NEGR1: variants seen among roughly 807,000 people sequenced by gnomAD.
NEGR1 encodes neuronal growth regulator 1.
Under a neutral mutation model 40.9 loss-of-function variants are expected in NEGR1, and 10 were observed. The observed-to-expected ratio is 0.24, with a 90% confidence interval of 0.15 to 0.42. The LOEUF (loss-of-function observed/expected upper bound fraction) is 0.42. NEGR1 is among the 10% of genes least tolerant of loss of function. The probability of loss-of-function intolerance (pLI) is 1.00; values close to 1 mark genes in which losing one functional copy is unlikely to be tolerated. For missense variants in NEGR1, 352 were observed against 438.9 expected (o/e 0.80, Z 1.77); for synonymous variants, 185 against 166.8 (o/e 1.11, Z -0.84).
intron 1 of NEGR1, among the ~76,000 whole-genome samples, chr1:72,072,697 T>C (rs969146322): frequency 7.9e-5 from 12 of 151,854 alleles, no homozygotes; most frequent in Admixed American, 6.6e-4. Context: ...AGGCTGAGAG[T>C]CTTCTGGCTA....
chr1:71,977,954 G>T (rs1646321380), intron 1 of NEGR1, among the ~76,000 whole-genome samples: 1 of 152,110 alleles, frequency 6.6e-6, no homozygotes, highest in Admixed American at 6.6e-5. Flanking sequence ...GCTATTCCAA[G>T]TAAGATGGAA....
intron 6 of NEGR1, among the ~76,000 whole-genome samples, chr1:71,479,847 T>G (rs1446248536): frequency 6.6e-6 from 1 of 151,972 alleles, no homozygotes; most frequent in Non-Finnish European, 1.5e-5. Flanking sequence ...TACTGTGGTG[T>G]TGTTGCTTAT....
At chr1:72,205,756 C>CAAAAAAAAAAAA (rs35490878) in intron 1 of NEGR1, among the ~76,000 whole-genome samples, 12 of 30,888 alleles carry the variant, frequency 3.9e-4, no homozygotes, top group Non-Finnish European at 6.3e-4. Flanking sequence ...CCCATTTCTA[C>CAAAAAAAAAAAA]AAAAAAAAAA....
chr1:72,039,165 A>T (rs1214912040), intron 1 of NEGR1, among the ~76,000 whole-genome samples: 1 of 152,006 alleles, frequency 6.6e-6, no homozygotes, highest in Non-Finnish European at 1.5e-5. Flanking sequence ...TATGCAATGT[A>T]ATTATAGTTC....
At chr1:72,050,405 T>G (rs1647048078) in intron 1 of NEGR1, among the ~76,000 whole-genome samples, 1 of 151,564 alleles carries the variant, frequency 6.6e-6, no homozygotes, top group Admixed American at 6.6e-5. Context: ...AAGATTTGAA[T>G]AATTATTTTT....
intron 1 of NEGR1, chr1:72,274,762 C>A: frequency 1.6e-6 from 2 of 1,233,340 alleles, no homozygotes; most frequent in African/African-American, 1.5e-5. Flanking sequence ...TTGCTGTAAG[C>A]AGTTCATCTG....
intron 6 of NEGR1, among the ~76,000 whole-genome samples, chr1:71,509,925 A>G (rs1363996344): frequency 6.6e-6 from 1 of 152,230 alleles, no homozygotes; most frequent in East Asian, 1.9e-4. Flanking sequence ...AGACATAATA[A>G]TAGAAGAAAA....
chr1:71,845,977 T>C, intron 2 of NEGR1, among the ~76,000 whole-genome samples: 1 of 146,658 alleles, frequency 6.8e-6, no homozygotes, highest in East Asian at 2.1e-4. Flanking sequence ...TTGTCCATGC[T>C]GGTCTCAAAC....
At chr1:72,041,162 G>A (rs898434313) in intron 1 of NEGR1, among the ~76,000 whole-genome samples, 12 of 151,848 alleles carry the variant, frequency 7.9e-5, no homozygotes, top group Non-Finnish European at 1.5e-4. Flanking sequence ...CCAATTTAGG[G>A]TTGGCCATCA....
chr1:71,935,123 G>T lies in NEGR1; in HGVS notation c.365C>A (p.Thr122Asn). 1 of 1,613,368 alleles carries T rather than the reference G, an allele frequency of 6.2e-7. No homozygotes were observed. Among genetic ancestry groups the T allele is most frequent in the Non-Finnish European group, 8.5e-7 (1 of 1,179,376 alleles). ...CTGCATTGTTCTGGGTGTATGTTGAGTCTGAACAGAACACGTGTATGGGCC... is the reference window on the plus strand; with the variant it reads ...CTGCATTGTTCTGGGTGTATGTTGATTCTGAACAGAACACGTGTATGGGCC... ...DDGPYTCSVQTQHTPRTMQVH... is the reference protein window; with the variant it reads ...DDGPYTCSVQNQHTPRTMQVH... Residue 122 changes from threonine to asparagine, a missense_variant, in exon 2 of 7, where the codon ACT (threonine) becomes AAT (asparagine). Coordinates refer to ENST00000357731, the MANE Select transcript of NEGR1 (RefSeq NM_173808.3).
chr1:71,717,907 A>G (rs1296962847), intron 3 of NEGR1, among the ~76,000 whole-genome samples: 1 of 152,172 alleles, frequency 6.6e-6, no homozygotes, highest in Non-Finnish European at 1.5e-5. Context: ...TCTACAAGTC[A>G]AGGAGAGAGA....
chr1:71,879,877 AG>A (rs1660535113), intron 2 of NEGR1, among the ~76,000 whole-genome samples: 1 of 152,180 alleles, frequency 6.6e-6, no homozygotes, highest in African/African-American at 2.4e-5. Context: ...GGCCCAATTT[AG>A]AAACATTAAA....
At position 71,928,465 on chromosome 1, in the gene NEGR1, C is replaced by CACACA. The variant is rs1557439420; in HGVS notation, c.409+6613_409+6614insTGTGT. ...ATATATATGTATATATACACACATA[C>CACACA]TTATATATACACATATATATGTATA... On this transcript the variant is annotated intron_variant, in intron 2 of 6. Coordinates refer to ENST00000357731, the MANE Select transcript of NEGR1 (RefSeq NM_173808.3). Among the ~76,000 whole-genome samples, 9 of 66,150 alleles carry CACACA rather than the reference C, an allele frequency of 1.4e-4. No individual in the cohort carries two copies. The East Asian group carries it at 5.1e-3, about 38-fold the overall frequency. The allele number at this position is 66,150 out of a possible 152,430, so 43.4% of individuals were successfully genotyped here.
intron 4 of NEGR1, among the ~76,000 whole-genome samples, chr1:71,687,578 A>G (rs535796264): frequency 6.6e-6 from 1 of 152,294 alleles, no homozygotes; most frequent in African/African-American, 2.4e-5. Context: ...ATCGTTCTAA[A>G]GGATTATTTA....
chr1:71,618,799 T>C (rs1313767726), intron 4 of NEGR1, among the ~76,000 whole-genome samples: 2 of 152,186 alleles, frequency 1.3e-5, no homozygotes, highest in African/African-American at 4.8e-5. Context: ...TAGAGACTGC[T>C]GTCTTTTTGG....
intron 4 of NEGR1, among the ~76,000 whole-genome samples, chr1:71,678,815 G>A (rs768657411): frequency 5.3e-5 from 8 of 152,090 alleles, no homozygotes; most frequent in Non-Finnish European, 8.8e-5. Context: ...GCAAATTCGG[G>A]GAACTGAAAG....
intron 4 of NEGR1, among the ~76,000 whole-genome samples, chr1:71,669,792 A>T (rs562310948): frequency 5.9e-5 from 9 of 152,192 alleles, no homozygotes; most frequent in Admixed American, 1.3e-4. Context: ...CTGGGATTAC[A>T]GGCATGTGCC....
At chr1:71,512,559 G>GA (rs536924620) in intron 6 of NEGR1, among the ~76,000 whole-genome samples, 4 of 148,412 alleles carry the variant, frequency 2.7e-5, no homozygotes, top group Non-Finnish European at 4.5e-5. Flanking sequence ...GTAGCACTTA[G>GA]AAAAAAAAGC....
At chr1:71,985,494 C>T (rs533632296) in intron 1 of NEGR1, among the ~76,000 whole-genome samples, 4 of 152,120 alleles carry the variant, frequency 2.6e-5, no homozygotes, top group South Asian at 4.1e-4. Flanking sequence ...ATTGTACCAC[C>T]GATAAATCCC....
Sources: gnomAD v4.1 joint callset for allele counts (sites outside exome capture counted in the v4.1 genomes callset) on GRCh38, gnomAD v4.1.1 for gene constraint, MANE v1.5 for transcripts, NCBI Gene and HGNC (gene_info 2026-07-23, HGNC 2026-07-21) for gene names.